BRSK2: variants seen among roughly 807,000 people sequenced by gnomAD.
BRSK2 encodes serine/threonine-protein kinase BRSK2.
BRSK2 carries 19 observed loss-of-function variants against 83.3 expected under a neutral mutation model. That is an observed-to-expected ratio of 0.23 (90% CI 0.16 to 0.33). The LOEUF (loss-of-function observed/expected upper bound fraction) is 0.33, where lower values mean the gene tolerates loss of function less well. BRSK2 is among the 10% of genes least tolerant of loss of function. The pLI, the probability that BRSK2 is intolerant of heterozygous loss-of-function variation, is 1.00. For missense variants in BRSK2, 798 were observed against 1,042.3 expected (o/e 0.77, Z 3.23); for synonymous variants, 519 against 435.4 (o/e 1.19, Z -2.39).
Position 1,456,467 on chromosome 11 carries a change from G to C in BRSK2, c.1788G>C (p.Thr596=). The change falls in exon 17 of 20, where the codon ACG becomes ACC. Residue 596 remains threonine, a synonymous_variant. Transcript: ENST00000528841. The part of the protein sequence containing the change: ...PVKFQVDITY[T]EGGEAQKENG... ...AGTTCCAGGTTGATATCACCTACAC[G>C]GAGGGTGGGGAGGCGCAGAAGGAGA... is the stretch of plus-strand genomic sequence containing the variant. The C allele has an allele frequency of 6.3e-7, 1 of 1,577,566 alleles. No homozygotes were observed. Among genetic ancestry groups the C allele is most frequent in the South Asian group, 1.2e-5 (1 of 86,074 alleles).
Position 1,394,682 on chromosome 11 carries a change from G to T in BRSK2, c.91+4307G>T, listed in dbSNP as rs1169624011. Among the ~76,000 whole-genome samples the T allele has an allele frequency of 1.5e-5, 2 of 133,620 alleles. 1 individual carries two copies. The highest frequency in any genetic ancestry group is 5.2e-4 in the South Asian group (2 of 3,872). The allele number at this position is 133,620 out of a possible 152,430, so 87.7% of individuals were successfully genotyped here. A position where few individuals can be genotyped will look rare whatever the true frequency, so the allele number is the denominator to read the frequency against. ...CCTGGAGATGGGCCCCTGGAGATGG[G>T]TCCTGGAGATGGGTCCTGGAGATGG... On this transcript the variant is annotated intron_variant, in intron 1 of 19. Coordinates refer to ENST00000528841, the MANE Select transcript of BRSK2 (RefSeq NM_001256627.2).
chr11:1,460,362 C>A, intron 19 of BRSK2, 138 bp from the exon 20 acceptor site: 1 of 1,013,058 alleles, frequency 9.9e-7, no homozygotes, highest in Non-Finnish European at 1.4e-6. Flanking sequence ...TCTCTGGGTT[C>A]TTTCCCTCGT....
rs553571991 is a variant in BRSK2 at position 1,402,047 on chromosome 11, G to A, written c.91+11672G>A. Among the ~76,000 whole-genome samples, 15 of 152,280 alleles carry A rather than the reference G, an allele frequency of 9.9e-5. No homozygotes were observed. In the East Asian group the frequency reaches 1.7e-3, roughly 18 times the overall value. ...AGCAGACCCACAGGACCCACCCCTC[G>A]TGCCCCGCCAGGGCCTCTCTGTCTT... On this transcript the variant is annotated intron_variant, in intron 1 of 19. Transcript: ENST00000528841.
intron 1 of BRSK2, among the ~76,000 whole-genome samples, chr11:1,398,119 C>T (rs10766598): frequency 0.12 from 18,653 of 152,216 alleles, 2,025 homozygotes; most frequent in African/African-American, 0.28. Context: ...CCAGGAATGT[C>T]GCCTCTGCGG....
chr11:1,446,112 G>A (rs1186408015), intron 12 of BRSK2, among the ~76,000 whole-genome samples: 46 of 143,428 alleles, frequency 3.2e-4, no homozygotes, highest in African/African-American at 1.1e-3. Flanking sequence ...GCTGGGCTGG[G>A]AGCTGAGCTG....
chr11:1,450,825 G>A (rs769076762), intron 14 of BRSK2, 31 bp downstream of exon 14: 1 of 1,559,264 alleles, frequency 6.4e-7, no homozygotes, highest in Non-Finnish European at 8.6e-7. Flanking sequence ...GCCAGAGTGG[G>A]GCTGGGAGAG....
In BRSK2 at chr11:1,462,327, GC is replaced by G. The variant is rs1847593985; in HGVS notation, c.*1605del. 2.0e-5 allele frequency: 3 copies of G among 152,290 alleles called. No homozygotes were observed. The highest frequency in any genetic ancestry group is 4.4e-5 in the Non-Finnish European group (3 of 68,096). 9.4% of individuals were successfully genotyped at this position (152,290 alleles called of 1,614,324 possible). A position where few individuals can be genotyped will look rare whatever the true frequency, so the allele number is the denominator to read the frequency against. Reference sequence around the variant, plus strand: ...GGCCGTGGGGGACGGCGGGTCTGATGCATGCCTCTGCCATGGAGTCGTCTGT... The same window carrying G: ...GGCCGTGGGGGACGGCGGGTCTGATGATGCCTCTGCCATGGAGTCGTCTGT... On this transcript the variant is annotated 3_prime_UTR_variant, in exon 20 of 20. Transcript: ENST00000528841.
At position 1,454,520 on chromosome 11, in the gene BRSK2, G is replaced by C. The variant is rs1478533537; in HGVS notation, c.1580G>C (p.Ser527Thr). The C allele has an allele frequency of 6.2e-6, 10 of 1,613,164 alleles. No individual in the cohort carries two copies. The highest frequency in any genetic ancestry group is 8.5e-6 in the Non-Finnish European group (10 of 1,179,958). The change falls in exon 16 of 20, where the codon AGC becomes ACC. Residue 527 changes from serine to threonine, a missense_variant. By Grantham distance (58) the Ser-to-Thr change is moderately conservative (BLOSUM62 1). Transcript: ENST00000528841. The surrounding 1 kb of genome is among the most constrained non-coding windows in gnomAD (Gnocchi z 5.2). ...AKKSWFGNFI[S>T]LEKEEQIFVV... ...AAGTCCTGGTTTGGGAACTTCATCA[G>C]CCTGGAGAAGGAGGAGCAGATCTTC...
intron 1 of BRSK2, among the ~76,000 whole-genome samples, chr11:1,408,275 A>G (rs865967823): frequency 2.0e-5 from 3 of 152,098 alleles, no homozygotes; most frequent in South Asian, 2.1e-4. Context: ...CTGCAGTCCC[A>G]CACTCATGCC....
chr11:1,434,316 A>T (rs141920666), intron 1 of BRSK2, among the ~76,000 whole-genome samples: 251 of 152,176 alleles, frequency 1.6e-3, no homozygotes, highest in Non-Finnish European at 2.8e-3. Flanking sequence ...CGCACCTAGG[A>T]GTGGGGTCCC....
intron 1 of BRSK2, among the ~76,000 whole-genome samples, chr11:1,425,279 A>C (rs1849083169): frequency 6.6e-6 from 1 of 152,170 alleles, no homozygotes; most frequent in South Asian, 2.1e-4. Context: ...CCTGATCTGC[A>C]GGCTGGGCTG....
chr11:1,422,105 T>C (rs1422990051), intron 1 of BRSK2, among the ~76,000 whole-genome samples: 1 of 151,960 alleles, frequency 6.6e-6, no homozygotes, highest in Non-Finnish European at 1.5e-5. Context: ...CAGAGCCAAC[T>C]GTGTGTCGGG....
At chr11:1,456,909 A>AG (rs1564886678) in intron 18 of BRSK2, 2 of 1,579,632 alleles carry the variant, frequency 1.3e-6, no homozygotes, top group Non-Finnish European at 1.7e-6. Flanking sequence ...CCAGGGACAT[A>AG]GGGCGCAGCC....
At chr11:1,458,899 G>A (rs1325766296) in intron 18 of BRSK2, among the ~76,000 whole-genome samples, 4 of 152,144 alleles carry the variant, frequency 2.6e-5, no homozygotes, top group African/African-American at 4.8e-5. Context: ...CCAGGGCACC[G>A]GCCATATCCA....
intron 7 of BRSK2, 43 bp downstream of exon 7, chr11:1,443,446 A>G (rs376594108): frequency 8.9e-6 from 14 of 1,577,902 alleles, no homozygotes; most frequent in Non-Finnish European, 1.2e-5. Flanking sequence ...CCTCTCCCCA[A>G]ACCTGCCCCC....
Position 1,454,682 on chromosome 11 carries a change from T to C in BRSK2, c.1668+74T>C, listed in dbSNP as rs1273889607. The C allele has an allele frequency of 3.8e-6, 6 of 1,571,788 alleles. No individual in the cohort carries two copies. Among genetic ancestry groups the C allele is most frequent in the Non-Finnish European group, 4.3e-6 (5 of 1,153,468 alleles). On this transcript the variant is annotated intron_variant, in intron 16 of 19. Coordinates refer to ENST00000528841, the MANE Select transcript of BRSK2 (RefSeq NM_001256627.2). The surrounding 1 kb of genome is among the most constrained non-coding windows in gnomAD (Gnocchi z 5.2). Reference sequence around the variant, plus strand: ...ACGGCCCAGCCCCGAGAATCCAGCCTCCTCACGTAGACAGGACATGTCCAC... The same window carrying C: ...ACGGCCCAGCCCCGAGAATCCAGCCCCCTCACGTAGACAGGACATGTCCAC...
At position 1,425,125 on chromosome 11, in the gene BRSK2, C is replaced by T. The variant is rs116559596; in HGVS notation, c.92-10915C>T. On this transcript the variant is annotated intron_variant, in intron 1 of 19. Coordinates refer to ENST00000528841, the MANE Select transcript of BRSK2 (RefSeq NM_001256627.2). ...GTGATGGGAAGCCTGACGTCTGCAT[C>T]GTCCTGCGCTGCGTGGCCGGTCGGT... Among the ~76,000 whole-genome samples, 1,344 of 152,338 alleles carry T rather than the reference C, an allele frequency of 8.8e-3. 20 individuals carry two copies. Among genetic ancestry groups the T allele is most frequent in the African/African-American group, 0.03 (1,242 of 41,572 alleles).
At chr11:1,434,360 G>A (rs1181106385) in intron 1 of BRSK2, among the ~76,000 whole-genome samples, 4 of 151,120 alleles carry the variant, frequency 2.6e-5, no homozygotes, top group Non-Finnish European at 5.9e-5. Flanking sequence ...GCGTGTCTGG[G>A]GGCACCTAGG....
intron 5 of BRSK2, among the ~76,000 whole-genome samples, chr11:1,442,855 T>C (rs1207619200): frequency 1.3e-5 from 2 of 152,086 alleles, no homozygotes; most frequent in Non-Finnish European, 2.9e-5. Context: ...GGGACCCACT[T>C]ACATGCCCCT....
Sources: gnomAD v4.1 joint callset for allele counts (sites outside exome capture counted in the v4.1 genomes callset) on GRCh38, gnomAD v4.1.1 for gene constraint, Gnocchi (gnomAD v3.1) non-coding constraint, MANE v1.5 for transcripts, NCBI Gene and HGNC (gene_info 2026-07-23, HGNC 2026-07-21) for gene names.